CACNA2D1: variants seen among roughly 807,000 people sequenced by gnomAD.
The protein encoded by CACNA2D1 is calcium voltage-gated channel auxiliary subunit alpha2delta 1, also known as voltage-dependent calcium channel subunit alpha-2/delta-1.
In CACNA2D1, 53 loss-of-function variants were observed where a neutral mutation model predicts 171.5. The ratio of observed to expected loss-of-function variants is 0.31; its 90% confidence interval spans 0.25 to 0.39. CACNA2D1 has a LOEUF of 0.39. Among genes scored for constraint, CACNA2D1 ranks in the 10% least tolerant of loss-of-function variants. CACNA2D1 has a pLI of 1.00. For missense variants in CACNA2D1, 903 were observed against 1,299.8 expected (o/e 0.69, Z 4.69); for synonymous variants, 442 against 443.1 (o/e 1.00, Z 0.03).
chr7:82,275,733 A>G (rs1012258065), intron 3 of CACNA2D1, among the ~76,000 whole-genome samples: 2 of 152,134 alleles, frequency 1.3e-5, no homozygotes, highest in African/African-American at 4.8e-5. Context: ...ATATCAAAAC[A>G]TTTATCTTAT....
chr7:82,009,831 A>C (rs1327498758), intron 15 of CACNA2D1, among the ~76,000 whole-genome samples: 1 of 152,106 alleles, frequency 6.6e-6, no homozygotes, highest in East Asian at 1.9e-4. Flanking sequence ...GAAATAAAAC[A>C]AGATTTCTCT....
intron 3 of CACNA2D1, among the ~76,000 whole-genome samples, chr7:82,203,619 C>T (rs1799708854): frequency 6.6e-6 from 1 of 152,144 alleles, no homozygotes; most frequent in African/African-American, 2.4e-5. Context: ...GGTAGTTGAT[C>T]CAGGGCACCT....
At chr7:82,280,566 T>G (rs541328533) in intron 3 of CACNA2D1, among the ~76,000 whole-genome samples, 5 of 152,350 alleles carry the variant, frequency 3.3e-5, no homozygotes, top group African/African-American at 9.6e-5. Context: ...AAATTTACAT[T>G]TTTTAAATTT....
chr7:82,417,632 G>A (rs1391159153), intron 1 of CACNA2D1, among the ~76,000 whole-genome samples: 6 of 152,136 alleles, frequency 3.9e-5, no homozygotes, highest in Admixed American at 2.0e-4. Flanking sequence ...CCTTAGATCA[G>A]TGGTTTTCAA....
At chr7:82,130,274 G>T (rs1790795117) in intron 5 of CACNA2D1, among the ~76,000 whole-genome samples, 1 of 152,032 alleles carries the variant, frequency 6.6e-6, no homozygotes, top group Non-Finnish European at 1.5e-5. Flanking sequence ...CACAAAGATT[G>T]GCTGTGCCTT....
intron 1 of CACNA2D1, among the ~76,000 whole-genome samples, chr7:82,415,046 C>T (rs1414279806): frequency 2.0e-5 from 3 of 152,166 alleles, no homozygotes; most frequent in African/African-American, 7.2e-5. Flanking sequence ...AAAAGCCTAA[C>T]GTTTCTCTTT....
chr7:82,102,247 A>G (rs1403721315), intron 6 of CACNA2D1, among the ~76,000 whole-genome samples: 1 of 152,268 alleles, frequency 6.6e-6, no homozygotes, highest in East Asian at 1.9e-4. Context: ...TAAGCTTTAA[A>G]ATTTATTTTA....
At position 82,112,487 on chromosome 7, in the gene CACNA2D1, A is replaced by G. The variant is rs562826149; in HGVS notation, c.526+4557T>C. Reference sequence around the variant, plus strand: ...TCAAAAATATGCAGATACAGACTTTAGAGCACAACTATTCCATCTGAATCA... The same window carrying G: ...TCAAAAATATGCAGATACAGACTTTGGAGCACAACTATTCCATCTGAATCA... On this transcript the variant is annotated intron_variant, in intron 6 of 38. Coordinates refer to ENST00000356860, the MANE Select transcript of CACNA2D1 (RefSeq NM_000722.4). 2.0e-5 allele frequency among the ~76,000 whole-genome samples: 3 copies of G among 152,338 alleles called. No individual in the cohort carries two copies. The South Asian group carries it at 6.2e-4, about 32-fold the overall frequency.
At chr7:82,122,601 T>C (rs1789866571) in intron 5 of CACNA2D1, among the ~76,000 whole-genome samples, 1 of 152,188 alleles carries the variant, frequency 6.6e-6, no homozygotes, top group South Asian at 2.1e-4. Flanking sequence ...GAAAGGGATG[T>C]AATACAGTGC....
At chr7:82,442,315 T>G (rs113803736) in intron 1 of CACNA2D1, among the ~76,000 whole-genome samples, 1 of 152,204 alleles carries the variant, frequency 6.6e-6, no homozygotes, top group Non-Finnish European at 1.5e-5. Flanking sequence ...CCGGGAAAGC[T>G]ACCTTGGGCT....
chr7:82,424,487 G>A (rs537628880), intron 1 of CACNA2D1, among the ~76,000 whole-genome samples: 106 of 152,272 alleles, frequency 7.0e-4, no homozygotes, highest in African/African-American at 2.5e-3. Context: ...TGAAAAATCA[G>A]ATGTTGTTTA....
intron 3 of CACNA2D1, among the ~76,000 whole-genome samples, chr7:82,249,941 C>T (rs1174533893): frequency 6.6e-6 from 1 of 152,190 alleles, no homozygotes; most frequent in Non-Finnish European, 1.5e-5. Context: ...ATTAGAAAAC[C>T]ATGGACTGGG....
intron 10 of CACNA2D1, among the ~76,000 whole-genome samples, chr7:82,058,525 T>G (rs78935661): frequency 4.6e-5 from 7 of 152,160 alleles, no homozygotes; most frequent in African/African-American, 1.4e-4. Context: ...ATTTGAGAGA[T>G]CAAGTATTAC....
chr7:82,273,108 C>G (rs371418890), intron 3 of CACNA2D1, among the ~76,000 whole-genome samples: 2 of 151,954 alleles, frequency 1.3e-5, no homozygotes, highest in Admixed American at 1.3e-4. Flanking sequence ...AAGTGAGATG[C>G]CATTTGTTAT....
rs1229602961 is a variant in CACNA2D1 at position 81,950,575 on chromosome 7, AAC to A, written c.3160-69_3160-68del. ...CTAAAAATCTTGAAAAATATTTAGTAACACATCTTTCAGAGTAATCCATATTT... is the reference window on the plus strand; with the variant it reads ...CTAAAAATCTTGAAAAATATTTAGTAACATCTTTCAGAGTAATCCATATTT... On this transcript the variant is annotated intron_variant, in intron 38 of 38. Coordinates refer to ENST00000356860, the MANE Select transcript of CACNA2D1 (RefSeq NM_000722.4). The A allele has an allele frequency of 5.2e-6, 8 of 1,534,164 alleles. No individual in the cohort carries two copies. The African/African-American group carries it at 1.1e-4, about 21-fold the overall frequency.
rs774555240 is a variant in CACNA2D1, at chr7:81,985,196, C to CTTTTTT, written c.1797-491_1797-486dup. 1.9e-3 allele frequency among the ~76,000 whole-genome samples: 200 copies of CTTTTTT among 104,170 alleles called. 8 individuals carry two copies. Among genetic ancestry groups the CTTTTTT allele is most frequent in the African/African-American group, 7.8e-3 (189 of 24,300 alleles). The allele number at this position is 104,170 out of a possible 152,430, so 68.3% of individuals were successfully genotyped here. Reference sequence around the variant, plus strand: ...AATGGAAGAGTTACTATTATCATTACTTTTTTTTTTTTTTTTTTTTTGGAG... The same window carrying CTTTTTT: ...AATGGAAGAGTTACTATTATCATTACTTTTTTTTTTTTTTTTTTTTTTTTTTTGGAG... On this transcript the variant is annotated intron_variant, in intron 21 of 38. Coordinates refer to ENST00000356860, the MANE Select transcript of CACNA2D1 (RefSeq NM_000722.4).
intron 3 of CACNA2D1, among the ~76,000 whole-genome samples, chr7:82,249,198 A>C (rs1805334745): frequency 6.6e-6 from 1 of 152,116 alleles, no homozygotes; most frequent in Non-Finnish European, 1.5e-5. Context: ...GGAGCACCAT[A>C]CTCAGTAGAT....
chr7:82,010,207 C>A (rs561365895), intron 15 of CACNA2D1, among the ~76,000 whole-genome samples: 2 of 151,828 alleles, frequency 1.3e-5, no homozygotes, highest in African/African-American at 4.8e-5. Flanking sequence ...ATATATTTAC[C>A]TTTTCCTTTT....
intron 26 of CACNA2D1, 118 bp from the exon 27 acceptor site, chr7:81,970,855 T>C: frequency 1.4e-6 from 1 of 724,908 alleles, no homozygotes; most frequent in Non-Finnish European, 2.6e-6. Flanking sequence ...TATCAATAGA[T>C]ACACAACTAT....
Sources: allele counts gnomAD v4.1 joint callset (sites outside exome capture counted in the v4.1 genomes callset), GRCh38; gene constraint gnomAD v4.1.1; transcripts MANE v1.5; gene names NCBI Gene and HGNC (gene_info 2026-07-23, HGNC 2026-07-21).